Variants in SYTL4 observed in about 807,000 individuals in gnomAD.
SYTL4 encodes synaptotagmin like 4.
A neutral mutation model predicts 52.7 loss-of-function variants in SYTL4; 16 were observed. The ratio of observed to expected loss-of-function variants is 0.30; its 90% CI spans 0.21 to 0.46. The LOEUF (loss-of-function observed/expected upper bound fraction) is 0.46, where lower values mean the gene tolerates loss of function less well. Among genes scored for constraint, SYTL4 ranks in the 20% least tolerant of loss-of-function variants. SYTL4 has a pLI of 1.00. For missense variants in SYTL4, 423 were observed against 519.9 expected (o/e 0.81, Z 1.81); for synonymous variants, 160 against 186.6 (o/e 0.86, Z 1.16).
At chrX:100,701,091 G>T in intron 7 of SYTL4, 92 bp from the exon 8 acceptor site, 1 of 893,896 alleles carries the variant, frequency 1.1e-6, no homozygotes, top group Non-Finnish European at 1.6e-6. Context: ...AATACACCAT[G>T]CTTGCAGAAG....
At chrX:100,704,588 G>A (rs1273122678) in intron 3 of SYTL4, among the ~76,000 whole-genome samples, 1 of 112,173 alleles carries the variant, frequency 8.9e-6, no homozygotes, top group Admixed American at 9.4e-5. Context: ...AAGATGTAAG[G>A]AAAGAAACAG....
chrX:100,726,662 T>C (rs1397597778), intron 2 of SYTL4, among the ~76,000 whole-genome samples: 1 of 111,092 alleles, frequency 9.0e-6, no homozygotes, highest in African/African-American at 3.3e-5. Context: ...GGCTCATCTA[T>C]CTCTTATATT....
At chrX:100,691,542 T>A (rs1374268908) in intron 8 of SYTL4, among the ~76,000 whole-genome samples, 4 of 109,757 alleles carry the variant, frequency 3.6e-5, no homozygotes, top group African/African-American at 1.3e-4. Context: ...CAGCTGAGTA[T>A]ACTTTTTTTT....
chrX:100,687,039 G>GC lies in SYTL4; in HGVS notation c.1184+27dup, dbSNP rs781714794. The GC allele has an allele frequency of 5.0e-6, 6 of 1,198,856 alleles. No individual in the cohort carries two copies. The African/African-American group carries it at 1.1e-4, about 21-fold the overall frequency. On this transcript the variant is annotated intron_variant, in intron 14 of 19. Coordinates refer to ENST00000372989, the MANE Select transcript of SYTL4 (RefSeq NM_001370165.1). ...CCGGGGTCTGGTCTCTGGTCTCAGAGCATCAGTCAGGTTCCAGAAGCACTC... is the reference window on the plus strand; with the variant it reads ...CCGGGGTCTGGTCTCTGGTCTCAGAGCCATCAGTCAGGTTCCAGAAGCACTC...
intron 16 of SYTL4, among the ~76,000 whole-genome samples, chrX:100,682,568 G>C (rs1360213907): frequency 9.1e-6 from 1 of 109,934 alleles, no homozygotes; most frequent in Non-Finnish European, 1.9e-5. Flanking sequence ...ATCAGCCGAC[G>C]GGGTGGTGTG....
intron 13 of SYTL4, 73 bp from the exon 14 acceptor site, chrX:100,687,318 T>C (rs2083494240): frequency 2.1e-6 from 2 of 950,187 alleles, no homozygotes; most frequent in African/African-American, 1.9e-5. Context: ...TCTTCCCTCA[T>C]GATAAAACCA....
chrX:100,712,824 A>T (rs2084100841), intron 2 of SYTL4, among the ~76,000 whole-genome samples: 1 of 112,507 alleles, frequency 8.9e-6, no homozygotes, highest in African/African-American at 3.2e-5. Context: ...ATATGAATAG[A>T]CAAAAGATAT....
intron 13 of SYTL4, 114 bp from the exon 14 acceptor site, chrX:100,687,359 T>A (rs2083494991): frequency 1.6e-6 from 1 of 644,266 alleles, no homozygotes; most frequent in African/African-American, 2.2e-5. Context: ...CAGAAGCCCC[T>A]GCAATAAGCC....
At chrX:100,699,436 A>G (rs917276047) in intron 8 of SYTL4, among the ~76,000 whole-genome samples, 28 of 106,044 alleles carry the variant, frequency 2.6e-4, no homozygotes, top group Admixed American at 9.1e-4. Flanking sequence ...AAAAGAAAAC[A>G]TACATCCACA....
At chrX:100,709,790 G>A (rs997904662) in intron 2 of SYTL4, among the ~76,000 whole-genome samples, 1 of 112,007 alleles carries the variant, frequency 8.9e-6, no homozygotes, top group Non-Finnish European at 1.9e-5. Flanking sequence ...TTGTGCTTTC[G>A]GACTTAACTA....
chrX:100,690,237 A>G, intron 10 of SYTL4, 72 bp from the exon 11 acceptor site: 1 of 758,218 alleles, frequency 1.3e-6, no homozygotes, highest in East Asian at 3.2e-5. Flanking sequence ...AAGGAAGGAC[A>G]GTCTTAAGAA....
chrX:100,713,399 C>T (rs1354080713), intron 2 of SYTL4, among the ~76,000 whole-genome samples: 2 of 110,676 alleles, frequency 1.8e-5, no homozygotes, highest in East Asian at 5.7e-4. Flanking sequence ...GAGCTGAGAT[C>T]GTGCCACTAT....
chrX:100,714,617 C>T (rs2084162771), intron 2 of SYTL4, among the ~76,000 whole-genome samples: 1 of 111,752 alleles, frequency 8.9e-6, no homozygotes, highest in South Asian at 3.7e-4. Context: ...TCCCTTACTA[C>T]ACAGTTTTGT....
intron 2 of SYTL4, among the ~76,000 whole-genome samples, chrX:100,719,289 A>T (rs192047539): frequency 3.0e-4 from 33 of 111,785 alleles, no homozygotes; most frequent in African/African-American, 9.7e-4. Context: ...AGATTGAGCA[A>T]ATAACTTGCT....
At chrX:100,681,641 C>G (rs942945793) in intron 16 of SYTL4, among the ~76,000 whole-genome samples, 1 of 111,825 alleles carries the variant, frequency 8.9e-6, no homozygotes, top group African/African-American at 3.3e-5. Context: ...GGTTGCCATA[C>G]AAACTCACGA....
chrX:100,676,226 A>T, intron 19 of SYTL4, 50 bp from the exon 20 acceptor site: 3 of 1,184,305 alleles, frequency 2.5e-6, no homozygotes, highest in Non-Finnish European at 2.3e-6. Context: ...CTCTCAGCCC[A>T]CCAGGGAAGA....
At position 100,687,127 on chromosome X, in the gene SYTL4, A is replaced by G. The variant is rs1296483634; in HGVS notation, c.1124T>C (p.Val375Ala). 13 of 1,209,614 alleles carry G rather than the reference A, an allele frequency of 1.1e-5. No individual in the cohort carries two copies. The highest frequency in any genetic ancestry group is 1.5e-5 in the Non-Finnish European group (13 of 895,144). ...KYEQQTQSLV[V>A]HVKECHQLAY... ...CAGCTGATGGCACTCCTTCACATGG[A>G]CAACCAGACTCTGGGTTTGCTGCTC... The change falls in exon 14 of 20, where the codon GTC becomes GCC. Residue 375 changes from valine (V) to alanine (A), a missense_variant. By Grantham distance (64) the Val-to-Ala change is moderately conservative (BLOSUM62 0). Coordinates refer to ENST00000372989, the MANE Select transcript of SYTL4 (RefSeq NM_001370165.1).
intron 5 of SYTL4, 32 bp downstream of exon 5, chrX:100,701,896 C>G (rs1415374609): frequency 1.8e-6 from 2 of 1,105,246 alleles, no homozygotes; most frequent in Non-Finnish European, 2.5e-6. Flanking sequence ...GGTCAAAGGC[C>G]TGGGACCCCA....
chrX:100,683,260 C>T (rs2359746), intron 16 of SYTL4, among the ~76,000 whole-genome samples: 13,212 of 106,841 alleles, frequency 0.12, 2,085 homozygotes, highest in African/African-American at 0.43. Flanking sequence ...GATTCTCCAG[C>T]GTCAGCCTCC....
Sources: allele counts gnomAD v4.1 joint callset (sites outside exome capture counted in the v4.1 genomes callset), GRCh38; gene constraint gnomAD v4.1.1; transcripts MANE v1.5; gene names NCBI Gene and HGNC (gene_info 2026-07-23, HGNC 2026-07-21).